LAMA2: variants seen among roughly 807,000 people sequenced by gnomAD.
LAMA2 encodes laminin subunit alpha 2.
A neutral mutation model predicts 364.8 loss-of-function variants in LAMA2; 269 were observed. That is an observed-to-expected ratio of 0.74 (90% confidence interval 0.67 to 0.82). LAMA2 has a LOEUF of 0.82. Ranked by LOEUF, LAMA2 falls within the 40% of genes least tolerant of loss-of-function variation. LAMA2 has a pLI of 0.00. For synonymous variants in LAMA2, 1,379 were observed against 1,370.6 expected (o/e 1.01, Z -0.14); for missense variants, 3,807 against 3,873.2 (o/e 0.98, Z 0.45).
intron 1 of LAMA2, among the ~76,000 whole-genome samples, chr6:128,943,656 G>A (rs1780315513): frequency 1.3e-5 from 2 of 152,072 alleles, no homozygotes; most frequent in Admixed American, 1.3e-4. Flanking sequence ...TTTTCCGTTT[G>A]CTAACTTATC....
chr6:128,883,687 A>G (rs1395053747), intron 1 of LAMA2, among the ~76,000 whole-genome samples: 2 of 151,950 alleles, frequency 1.3e-5, no homozygotes, highest in Non-Finnish European at 1.5e-5. Context: ...AAAAAAAAGA[A>G]TTTCTTCAAA....
At chr6:129,159,601 A>G (rs1160958156) in intron 8 of LAMA2, among the ~76,000 whole-genome samples, 1 of 152,254 alleles carries the variant, frequency 6.6e-6, no homozygotes, top group Non-Finnish European at 1.5e-5. Context: ...CTGCAAGTAC[A>G]TTCAGGCTTA....
At chr6:129,164,183 T>C (rs1779603760) in intron 8 of LAMA2, among the ~76,000 whole-genome samples, 1 of 152,200 alleles carries the variant, frequency 6.6e-6, no homozygotes, top group South Asian at 2.1e-4. Context: ...TTCTATCTGA[T>C]ACCTGTGATG....
chr6:129,389,869 C>T (rs1054714913), intron 35 of LAMA2, among the ~76,000 whole-genome samples: 2 of 152,156 alleles, frequency 1.3e-5, no homozygotes, highest in African/African-American at 2.4e-5. Context: ...GCCCCTCCCT[C>T]AACATGTGGG....
intron 12 of LAMA2, among the ~76,000 whole-genome samples, chr6:129,210,244 C>A (rs1252422716): frequency 6.6e-6 from 1 of 152,070 alleles, no homozygotes; most frequent in African/African-American, 2.4e-5. Flanking sequence ...AAAAAACCTG[C>A]AGTATGCTTT....
At chr6:129,032,626 T>C (rs900760804) in intron 1 of LAMA2, among the ~76,000 whole-genome samples, 1 of 152,158 alleles carries the variant, frequency 6.6e-6, no homozygotes, top group African/African-American at 2.4e-5. Context: ...CTTGATCAGA[T>C]TTGAATCTTA....
chr6:129,182,443 C>A (rs1780987381), intron 10 of LAMA2, among the ~76,000 whole-genome samples: 1 of 151,452 alleles, frequency 6.6e-6, no homozygotes, highest in South Asian at 2.1e-4. Context: ...AAAATGTGCT[C>A]AACGTAAATG....
chr6:129,415,554 T>G (rs1056083260), intron 40 of LAMA2, among the ~76,000 whole-genome samples: 1 of 152,092 alleles, frequency 6.6e-6, no homozygotes, highest in African/African-American at 2.4e-5. Context: ...ACTATCTAAA[T>G]AACCATGGTG....
Position 129,440,914 on chromosome 6 carries a change from C to A in LAMA2, c.6184C>A (p.Leu2062Ile). 1 of 1,613,934 alleles carries A rather than the reference C, an allele frequency of 6.2e-7. No homozygotes were observed. Residue 2062 changes from leucine to isoleucine, a missense_variant, in exon 43 of 65, where the codon CTC becomes ATC. Coordinates refer to ENST00000421865, the MANE Select transcript of LAMA2 (RefSeq NM_000426.4). ...LAQITELHQN[L>I]DGLKKNYNKL... ...ACAGATTACAGAGCTCCACCAGAAC[C>A]TCGATGGCCTGAAGAAGAATTACAA...
chr6:129,162,378 T>G (rs73773689), intron 8 of LAMA2, among the ~76,000 whole-genome samples: 4,293 of 152,200 alleles, frequency 0.028, 200 homozygotes, highest in African/African-American at 0.097. Context: ...AAATTTACAT[T>G]AACCATACCT....
chr6:129,129,969 A>ATAATT (rs1330497849), intron 4 of LAMA2, among the ~76,000 whole-genome samples: 1 of 152,122 alleles, frequency 6.6e-6, no homozygotes. Context: ...ACTCAGTAAA[A>ATAATT]TAATTTTAAA....
Position 129,393,043 on chromosome 6 carries a change from A to G in LAMA2, c.5235-2A>G. On this transcript the variant is annotated splice_acceptor_variant, in intron 36 of 64. Transcript: ENST00000421865. LOFTEE classifies it high-confidence loss of function. ...CTATTATTGGGCTGGGGGTGGTTAC[A>G]GAGCTGCAGAAGCCCTTCTGAAAAA... 6.2e-7 allele frequency: 1 copy of G among 1,612,584 alleles called. No individual in the cohort carries two copies. The highest frequency in any genetic ancestry group is 8.5e-7 in the Non-Finnish European group (1 of 1,179,384).
intron 40 of LAMA2, among the ~76,000 whole-genome samples, chr6:129,426,526 G>T (rs912768448): frequency 1.3e-5 from 2 of 151,708 alleles, no homozygotes; most frequent in African/African-American, 4.8e-5. Flanking sequence ...ATTCCCAAGA[G>T]AACTGTAGCA....
At chr6:129,308,294 T>G (rs1206844650) in intron 22 of LAMA2, among the ~76,000 whole-genome samples, 1 of 152,218 alleles carries the variant, frequency 6.6e-6, no homozygotes, top group African/African-American at 2.4e-5. Context: ...TTTTGCATTT[T>G]CAGCTTCAAA....
chr6:129,409,736 G>T (rs1400893739), intron 40 of LAMA2, among the ~76,000 whole-genome samples: 5 of 152,160 alleles, frequency 3.3e-5, no homozygotes, highest in Admixed American at 3.3e-4. Context: ...ATCCCTGTCT[G>T]CCATTGACAC....
At chr6:128,921,691 AT>A (rs1778725853) in intron 1 of LAMA2, among the ~76,000 whole-genome samples, 1 of 134,928 alleles carries the variant, frequency 7.4e-6, no homozygotes, top group Non-Finnish European at 1.5e-5. Flanking sequence ...TGTGAAATGA[AT>A]GTCTGTTTTT....
In LAMA2 at chr6:129,163,558, C is replaced by G. The variant is rs563038604; in HGVS notation, c.1207-2018C>G. On this transcript the variant is annotated intron_variant, in intron 8 of 64. Coordinates refer to ENST00000421865, the MANE Select transcript of LAMA2 (RefSeq NM_000426.4). ...CTGAGGCAGGAGAATAGCTTGAACC[C>G]AGGAAGTGAGGTTGCAGTGGGTCAA... Among the ~76,000 whole-genome samples, 4 of 152,246 alleles carry G rather than the reference C, an allele frequency of 2.6e-5. No individual in the cohort carries two copies. In the South Asian group the frequency reaches 8.3e-4, roughly 32 times the overall value.
intron 12 of LAMA2, among the ~76,000 whole-genome samples, chr6:129,244,867 A>G (rs1274756502): frequency 6.6e-6 from 1 of 152,162 alleles, no homozygotes; most frequent in Non-Finnish European, 1.5e-5. Flanking sequence ...AATGTGCACC[A>G]TGCACACTGT....
At chr6:129,208,467 AAGAG>A (rs148379975) in intron 12 of LAMA2, among the ~76,000 whole-genome samples, 13,901 of 151,734 alleles carry the variant, frequency 0.092, 710 homozygotes, top group Non-Finnish European at 0.12. Context: ...AACAGACAGA[AAGAG>A]AGAGAGGAAG....
Sources: gnomAD v4.1 joint callset for allele counts (sites outside exome capture counted in the v4.1 genomes callset) on GRCh38, gnomAD v4.1.1 for gene constraint, MANE v1.5 for transcripts, NCBI Gene and HGNC (gene_info 2026-07-23, HGNC 2026-07-21) for gene names.